Variants in DHX16 observed in about 807,000 individuals in gnomAD.
DHX16 encodes DEAH-box helicase 16, also known as pre-mRNA-splicing factor ATP-dependent RNA helicase DHX16.
In DHX16, 81 loss-of-function variants were observed where a neutral mutation model predicts 131.2. The ratio of observed to expected loss-of-function variants is 0.62; its 90% CI spans 0.52 to 0.74. The LOEUF is 0.74. Among genes scored for constraint, DHX16 ranks in the 30% least tolerant of loss-of-function variants. DHX16 has a pLI of 0.00. For synonymous variants in DHX16, 440 were observed against 520.2 expected (o/e 0.85, Z 2.10); for missense variants, 980 against 1,363.1 (o/e 0.72, Z 4.43).
intron 9 of DHX16, chr6:30,661,882 G>T: frequency 1.4e-6 from 1 of 717,932 alleles, no homozygotes. Flanking sequence ...TTTTGCAAGG[G>T]ATATGAAGGA....
intron 10 of DHX16, 22 bp downstream of exon 10, chr6:30,660,010 C>T (rs1768349131): frequency 2.5e-6 from 4 of 1,610,158 alleles, no homozygotes; most frequent in Non-Finnish European, 3.4e-6. Flanking sequence ...CAGACTTAAG[C>T]CCATCCTCCC....
Position 30,672,814 on chromosome 6 carries a change from A to T in DHX16, c.28T>A (p.Trp10Arg), listed in dbSNP as rs1330433257. Residue 10 changes from tryptophan (W) to arginine (R), a missense_variant, in exon 1 of 20, where the codon TGG becomes AGG. By Grantham distance (101) the Trp-to-Arg change is moderately radical. Transcript: ENST00000376442. MATPAGLER[W>R]VQDELHSVLG... ...ACCGAGTGCAGCTCGTCCTGAACCC[A>T]GCGCTCCAGACCCGCCGGCGTCGCC... 3.7e-6 allele frequency: 6 copies of T among 1,612,694 alleles called. No homozygotes were observed. In the African/African-American group the frequency reaches 8.0e-5, roughly 22 times the overall value.
rs41273005 is a variant in DHX16, at chr6:30,670,843, G to A, written c.556C>T (p.Arg186Ter). The part of the protein sequence containing the change: ...EERDAFAERV[R>*]QRDKDRTRNV... ...CGAGTCCGATCCTTGTCCCGCTGTC[G>A]AACCCGCTCAGCAAAGGCATCACGC... is the stretch of plus-strand genomic sequence containing the variant. The change falls in exon 3 of 20, where the codon CGA (arginine) becomes TGA (stop). Residue 186 changes from arginine (R) to a stop codon, truncating the protein, a stop_gained. Transcript: ENST00000376442. LOFTEE classifies it high-confidence loss of function. This position sits in a 1 kb window ranked among gnomAD's most constrained non-coding sequence, Gnocchi z 4.4. The A allele has an allele frequency of 1.1e-5, 18 of 1,612,980 alleles. No homozygotes were observed. The highest frequency in any genetic ancestry group is 4.5e-5 in the East Asian group (2 of 44,876).
chr6:30,657,219 A>G, intron 12 of DHX16, 127 bp from the exon 13 acceptor site: 2 of 964,892 alleles, frequency 2.1e-6, no homozygotes, highest in Non-Finnish European at 3.0e-6. Context: ...AATTAGTAGT[A>G]TCCAAGGTCA....
At position 30,662,396 on chromosome 6, in the gene DHX16, C is replaced by T. The variant is rs1768593908; in HGVS notation, c.1544+231G>A. ...CTTCACACGGTATTTCAAGTCTCGGCAGCAATGCTCTGCTATCCTGGTTGT... is the reference window on the plus strand; with the variant it reads ...CTTCACACGGTATTTCAAGTCTCGGTAGCAATGCTCTGCTATCCTGGTTGT... On this transcript the variant is annotated intron_variant, in intron 9 of 19. Transcript: ENST00000376442. The surrounding 1 kb of genome is among the most constrained non-coding windows in gnomAD (Gnocchi z 4.7). Among the ~76,000 whole-genome samples the T allele has an allele frequency of 2.0e-5, 3 of 152,196 alleles. No individual in the cohort carries two copies. The highest frequency in any genetic ancestry group is 7.2e-5 in the African/African-American group (3 of 41,452).
intron 19 of DHX16, among the ~76,000 whole-genome samples, 175 bp downstream of exon 19, chr6:30,654,529 AAC>A (rs1423965235): frequency 6.6e-6 from 1 of 152,196 alleles, no homozygotes; most frequent in Non-Finnish European, 1.5e-5. Context: ...CAGCCTGGAC[AAC>A]AGAGTGAGAC....
chr6:30,657,426 GCCT>G (rs1768090743), intron 12 of DHX16, among the ~76,000 whole-genome samples: 1 of 151,656 alleles, frequency 6.6e-6, no homozygotes. Flanking sequence ...TCCTGTAAGA[GCCT>G]CCTAACGTGT....
intron 4 of DHX16, among the ~76,000 whole-genome samples, chr6:30,666,009 C>G (rs1026960935): frequency 6.6e-6 from 1 of 152,172 alleles, no homozygotes; most frequent in Non-Finnish European, 1.5e-5. Flanking sequence ...AATATAGATG[C>G]ACTAGGGAGA....
chr6:30,668,103 G>A (rs902381810), intron 4 of DHX16, among the ~76,000 whole-genome samples: 4 of 152,160 alleles, frequency 2.6e-5, no homozygotes, highest in Non-Finnish European at 4.4e-5. Context: ...TCCTGACTGT[G>A]ACAAGAGCAT....
intron 19 of DHX16, 62 bp from the exon 20 acceptor site, chr6:30,653,432 T>C: frequency 6.5e-7 from 1 of 1,530,010 alleles, no homozygotes; most frequent in Non-Finnish European, 8.8e-7. Flanking sequence ...TTGTTGTTGT[T>C]ATTTTTTTTT....
chr6:30,665,774 G>C lies in DHX16; in HGVS notation c.667-41C>G, dbSNP rs960270666. On this transcript the variant is annotated intron_variant, in intron 4 of 19. Transcript: ENST00000376442. The surrounding 1 kb of genome is among the most constrained non-coding windows in gnomAD (Gnocchi z 4.8). ...ACAGTCGAATCCTCATCTTGCTGGA[G>C]GAGCAACCCCTTTCTCTACCAATCC... The C allele has an allele frequency of 6.3e-7, 1 of 1,585,200 alleles. No homozygotes were observed. The highest frequency in any genetic ancestry group is 1.3e-5 in the African/African-American group (1 of 74,232).
rs747799322 is a variant in DHX16 at position 30,660,111 on chromosome 6, C to T, written c.1676G>A (p.Arg559His). ...LVASATMDTA[R>H]FSTFFDDAPV... ...GGCGTCATCAAAGAAGGTGGAAAAA[C>T]GGGCAGTGTCCATTGTGGCTGAAGC... Residue 559 changes from arginine (R) to histidine (H), a missense_variant, in exon 10 of 20, where the codon CGT (arginine) becomes CAT (histidine). Physicochemically the swap from Arg to His is conservative, Grantham distance 29 (BLOSUM62 0). Around this residue, in one of 3 missense-constraint regions of DHX16, gnomAD observed 309 missense variants for 537.1 expected, o/e 0.58. Transcript: ENST00000376442. 7.4e-6 allele frequency: 12 copies of T among 1,612,298 alleles called. No individual in the cohort carries two copies. In the East Asian group the frequency reaches 8.9e-5, roughly 12 times the overall value.
intron 9 of DHX16, chr6:30,661,864 TAGAG>T (rs1561982807): frequency 1.4e-6 from 1 of 717,950 alleles, no homozygotes; most frequent in Non-Finnish European, 2.6e-6. Flanking sequence ...CATGGGTTCT[TAGAG>T]ATCTTTTGCA....
At chr6:30,664,665 T>C (rs1407591098) in intron 7 of DHX16, 136 bp downstream of exon 7, 11 of 775,666 alleles carry the variant, frequency 1.4e-5, no homozygotes, top group South Asian at 7.5e-5. Flanking sequence ...GTATGGTCTT[T>C]ACTCTCAAGA....
At position 30,670,433 on chromosome 6, in the gene DHX16, C is replaced by T. The variant is rs1169533544; in HGVS notation, c.643G>A (p.Ala215Thr). The T allele has an allele frequency of 6.2e-7, 1 of 1,611,426 alleles. No individual in the cohort carries two copies. ...ACCATGGCCTTCCGGTCTTCCTCGGCCATCTTGAGGCGCTTCTGAGCCTCT... is the reference window on the plus strand; with the variant it reads ...ACCATGGCCTTCCGGTCTTCCTCGGTCATCTTGAGGCGCTTCTGAGCCTCT... ...YEEAQKRLKMAEEDRKAMVPE... is the reference protein window; with the variant it reads ...YEEAQKRLKMTEEDRKAMVPE... Residue 215 changes from alanine (A) to threonine (T), a missense_variant, in exon 4 of 20, where the codon GCC becomes ACC. Physicochemically the swap from Ala to Thr is moderately conservative, Grantham distance 58. Coordinates refer to ENST00000376442, the MANE Select transcript of DHX16 (RefSeq NM_003587.5). This position sits in a 1 kb window ranked among gnomAD's most constrained non-coding sequence, Gnocchi z 4.4.
At chr6:30,655,127 C>T in intron 18 of DHX16, 48 bp downstream of exon 18, 1 of 1,610,936 alleles carries the variant, frequency 6.2e-7, no homozygotes, top group Non-Finnish European at 8.5e-7. Flanking sequence ...AAGCTTGCTC[C>T]TGGGAAGGTA....
intron 7 of DHX16, among the ~76,000 whole-genome samples, chr6:30,663,534 C>T (rs954444348): frequency 3.3e-5 from 5 of 150,584 alleles, no homozygotes; most frequent in Non-Finnish European, 7.4e-5. Flanking sequence ...CCAGCCTGGC[C>T]AAAATGGTGA....
At chr6:30,653,442 TC>T (rs1767648091) in intron 19 of DHX16, 72 bp from the exon 20 acceptor site, 3 of 1,504,262 alleles carry the variant, frequency 2.0e-6, no homozygotes, top group Non-Finnish European at 1.8e-6. Flanking sequence ...TATTTTTTTT[TC>T]TTAAATTGAA....
chr6:30,669,109 A>G lies in DHX16; in HGVS notation c.666+1301T>C, dbSNP rs1052573153. Among the ~76,000 whole-genome samples the G allele has an allele frequency of 2.5e-4, 38 of 151,982 alleles. 1 individual carries two copies. The highest frequency in any genetic ancestry group is 4.6e-4 in the Non-Finnish European group (31 of 67,996). On this transcript the variant is annotated intron_variant, in intron 4 of 19. Coordinates refer to ENST00000376442, the MANE Select transcript of DHX16 (RefSeq NM_003587.5). The stretch of plus-strand genomic sequence containing the variant: ...AACAAGTGCAAAACTCTGTTTCAAA[A>G]AAATAAATAAATGAATTTTAAAAAG...
Sources: gnomAD v4.1 joint callset for allele counts (sites outside exome capture counted in the v4.1 genomes callset) on GRCh38, gnomAD v4.1.1 for gene constraint, gnomAD v4.1.1 regional missense constraint, Gnocchi (gnomAD v3.1) non-coding constraint, MANE v1.5 for transcripts, NCBI Gene and HGNC (gene_info 2026-07-23, HGNC 2026-07-21) for gene names.